The following NUDT21 variants were observed in gnomAD, a reference collection of about 807,000 sequenced individuals.
The protein encoded by NUDT21 is cleavage and polyadenylation specificity factor subunit 5.
In NUDT21, 5 loss-of-function variants were observed where a neutral mutation model predicts 29.8. The observed-to-expected ratio is 0.17, with a 90% CI of 0.09 to 0.35. The LOEUF is 0.35. Ranked by LOEUF, NUDT21 falls within the 10% of genes least tolerant of loss-of-function variation. The pLI is 1.00. For missense variants in NUDT21, 76 were observed against 276.0 expected (o/e 0.28, Z 5.13); for synonymous variants, 113 against 98.5 (o/e 1.15, Z -0.87).
At chr16:56,443,177 T>C (rs1483995650) in intron 3 of NUDT21, among the ~76,000 whole-genome samples, 3 of 152,034 alleles carry the variant, frequency 2.0e-5, no homozygotes, top group Non-Finnish European at 4.4e-5. Flanking sequence ...ACAATATTTT[T>C]TTTTCTTTTT....
chr16:56,433,236 C>T (rs2143931289), intron 6 of NUDT21, among the ~76,000 whole-genome samples: 2 of 152,304 alleles, frequency 1.3e-5, no homozygotes, highest in Non-Finnish European at 2.9e-5. Context: ...GCCAATTTCA[C>T]TAACATTTAT....
chr16:56,439,631 C>T, intron 4 of NUDT21, 26 bp downstream of exon 4: 1 of 1,459,912 alleles, frequency 6.8e-7, no homozygotes, highest in East Asian at 2.3e-5. Context: ...TTCCAAAATG[C>T]CCAGCAAATG....
At chr16:56,437,042 T>A (rs1471207198) in intron 4 of NUDT21, among the ~76,000 whole-genome samples, 3 of 152,226 alleles carry the variant, frequency 2.0e-5, no homozygotes, top group Non-Finnish European at 2.9e-5. Context: ...AACTGTACTA[T>A]GTATCTTTGA....
intron 1 of NUDT21, among the ~76,000 whole-genome samples, chr16:56,449,551 G>C (rs1484264776): frequency 6.6e-6 from 1 of 152,132 alleles, no homozygotes; most frequent in Non-Finnish European, 1.5e-5. Flanking sequence ...GAAATGTACT[G>C]TAAATCAACC....
At chr16:56,450,736 T>C (rs1962293749) in intron 1 of NUDT21, among the ~76,000 whole-genome samples, 2 of 152,184 alleles carry the variant, frequency 1.3e-5, no homozygotes, top group Admixed American at 1.3e-4. Flanking sequence ...ACCATGTACG[T>C]GATGCGAAAG....
intron 1 of NUDT21, chr16:56,449,178 G>C (rs1170037699): frequency 1.3e-5 from 2 of 152,214 alleles, no homozygotes; most frequent in African/African-American, 4.8e-5. Context: ...ACCTGAGTTA[G>C]AAAGAATTAA....
At chr16:56,440,423 T>G (rs1397882256) in intron 3 of NUDT21, among the ~76,000 whole-genome samples, 2 of 152,240 alleles carry the variant, frequency 1.3e-5, no homozygotes, top group East Asian at 3.8e-4. Context: ...TTTTCATTTT[T>G]CAGTCCCAGG....
intron 4 of NUDT21, chr16:56,439,147 A>G (rs1239228797): frequency 1.3e-5 from 2 of 154,152 alleles, no homozygotes; most frequent in Admixed American, 6.4e-5. Context: ...CACTTTTACC[A>G]TTCTCTCTTC....
chr16:56,446,195 G>A (rs1311199654), intron 3 of NUDT21, among the ~76,000 whole-genome samples: 1 of 152,138 alleles, frequency 6.6e-6, no homozygotes, highest in Non-Finnish European at 1.5e-5. Context: ...GAAAACACAG[G>A]CATCTTTCTC....
chr16:56,446,938 G>A (rs375017643), intron 2 of NUDT21: 312 of 343,100 alleles, frequency 9.1e-4, no homozygotes, highest in African/African-American at 6.4e-3. Flanking sequence ...TAGATTCAAC[G>A]GGTACATGTA....
chr16:56,445,838 TG>T (rs1962212279), intron 3 of NUDT21, among the ~76,000 whole-genome samples: 1 of 152,228 alleles, frequency 6.6e-6, no homozygotes, highest in Admixed American at 6.5e-5. Context: ...ATTATATAAA[TG>T]GAAGTCCAAG....
intron 1 of NUDT21, among the ~76,000 whole-genome samples, chr16:56,450,307 CT>C (rs1962274968): frequency 6.6e-6 from 1 of 152,210 alleles, no homozygotes; most frequent in African/African-American, 2.4e-5. Flanking sequence ...TACAGCGAGT[CT>C]GCTTCTGAGA....
At chr16:56,435,785 G>C (rs1301824486) in intron 4 of NUDT21, among the ~76,000 whole-genome samples, 1 of 26,952 alleles carries the variant, frequency 3.7e-5, no homozygotes, top group Non-Finnish European at 7.2e-5. Flanking sequence ...ATATATATAT[G>C]ATCAGTAAGT....
Position 56,435,743 on chromosome 16 carries a change from T to TTTTATATA in NUDT21, c.472-915_472-914insTATATAAA, listed in dbSNP as rs1555514701. Among the ~76,000 whole-genome samples, 16 of 27,058 alleles carry TTTTATATA rather than the reference T, an allele frequency of 5.9e-4. No homozygotes were observed. In the East Asian group the frequency reaches 0.012, roughly 20 times the overall value. 17.8% of individuals were successfully genotyped at this position (27,058 alleles called of 152,430 possible). On this transcript the variant is annotated intron_variant, in intron 4 of 6. Transcript: ENST00000300291. ...TCTGTCTCCCAAAAAAAAAAAAAAA[T>TTTTATATA]TATATATATATATATATATATATAT...
chr16:56,446,978 T>C, intron 2 of NUDT21: 1 of 255,168 alleles, frequency 3.9e-6, no homozygotes, highest in Non-Finnish European at 7.4e-6. Flanking sequence ...TATTGTGTAA[T>C]GCTAAGGTTT....
chr16:56,448,043 T>C (rs79883699), intron 1 of NUDT21, 54 bp from the exon 2 acceptor site: 64,378 of 1,478,434 alleles, frequency 0.044, 1,720 homozygotes, highest in East Asian at 0.1. Flanking sequence ...TAATTTACCA[T>C]GACAGACATT....
intron 6 of NUDT21, among the ~76,000 whole-genome samples, chr16:56,433,740 T>G (rs182244280): frequency 6.6e-6 from 1 of 152,188 alleles, no homozygotes; most frequent in Non-Finnish European, 1.5e-5. Context: ...CAGGCTGGAG[T>G]GCAGTAGCGT....
Position 56,451,322 on chromosome 16 carries a change from C to T in NUDT21, c.-120G>A, listed in dbSNP as rs541920893. On this transcript the variant is annotated 5_prime_UTR_variant, in exon 1 of 7. Coordinates refer to ENST00000300291, the MANE Select transcript of NUDT21 (RefSeq NM_007006.3). Reference sequence around the variant, plus strand: ...CTACTGCCCGCCATTAACAGGACAGCGCAAGAGGAGGCGTAGGCACGCCGG... The same window carrying T: ...CTACTGCCCGCCATTAACAGGACAGTGCAAGAGGAGGCGTAGGCACGCCGG... 1.3e-3 allele frequency: 1,111 copies of T among 844,094 alleles called. No homozygotes were observed. Among genetic ancestry groups the T allele is most frequent in the Admixed American group, 2.0e-3 (77 of 39,192 alleles). The allele number at this position is 844,094 out of a possible 1,614,324, so 52.3% of individuals were successfully genotyped here.
At position 56,447,715 on chromosome 16, in the gene NUDT21, A is replaced by C. The variant is rs1260740192; in HGVS notation, c.317+74T>G. 4.4e-6 allele frequency: 6 copies of C among 1,357,150 alleles called. No individual in the cohort carries two copies. The East Asian group carries it at 1.1e-4, about 26-fold the overall frequency. 84.1% of individuals were successfully genotyped at this position (1,357,150 alleles called of 1,614,324 possible). On this transcript the variant is annotated intron_variant, in intron 2 of 6. Transcript: ENST00000300291. The stretch of plus-strand genomic sequence containing the variant: ...GTTGAAATGAATGACCGAGGGCTAA[A>C]ATTGTATTCCAGAGCTGCATAAACA...
Sources: allele counts gnomAD v4.1 joint callset (sites outside exome capture counted in the v4.1 genomes callset), GRCh38; gene constraint gnomAD v4.1.1; transcripts MANE v1.5; gene names NCBI Gene and HGNC (gene_info 2026-07-23, HGNC 2026-07-21).